Variants in SCML2 observed in about 807,000 individuals in gnomAD.
The protein encoded by SCML2 is Scm polycomb group protein like 2, also known as sex comb on midleg-like protein 2.
Under a neutral mutation model 48.4 loss-of-function variants are expected in SCML2, and 6 were observed. The ratio of observed to expected loss-of-function variants is 0.12; its 90% CI spans 0.07 to 0.24. The LOEUF is 0.24. Ranked by LOEUF, SCML2 falls within the 10% of genes least tolerant of loss-of-function variation. The pLI is 1.00. For missense variants in SCML2, 377 were observed against 528.2 expected (o/e 0.71, Z 2.81); for synonymous variants, 181 against 189.5 (o/e 0.95, Z 0.37).
chrX:18,337,432 T>C (rs1339288549), intron 1 of SCML2, among the ~76,000 whole-genome samples: 1 of 80,136 alleles, frequency 1.2e-5, no homozygotes. Context: ...TCCATGCTAA[T>C]ACTAATCAAA....
At chrX:18,259,143 A>C (rs180836271) in intron 9 of SCML2, among the ~76,000 whole-genome samples, 64 of 110,398 alleles carry the variant, frequency 5.8e-4, no homozygotes, top group African/African-American at 2.1e-3. Context: ...ACATGCCTGT[A>C]GTCCCAGATA....
chrX:18,310,409 G>A (rs1928912433), intron 6 of SCML2, among the ~76,000 whole-genome samples: 1 of 107,188 alleles, frequency 9.3e-6, no homozygotes, highest in South Asian at 4.2e-4. Flanking sequence ...GGGATTACAG[G>A]CGCGTGCCAC....
At chrX:18,318,742 T>C (rs1029886941) in intron 6 of SCML2, among the ~76,000 whole-genome samples, 2 of 111,873 alleles carry the variant, frequency 1.8e-5, no homozygotes, top group Non-Finnish European at 3.8e-5. Context: ...CAATGAATAT[T>C]TGCTTCCAGT....
At chrX:18,268,266 A>T (rs1927324431) in intron 7 of SCML2, among the ~76,000 whole-genome samples, 1 of 112,600 alleles carries the variant, frequency 8.9e-6, no homozygotes, top group South Asian at 3.7e-4. Context: ...GCAGTGGCTC[A>T]CACATGTAAT....
In SCML2 at chrX:18,343,974, A is replaced by G. The variant is rs183381999; in HGVS notation, c.-24-9879T>C. The stretch of plus-strand genomic sequence containing the variant: ...AAGAAAAGAAAAGAAAAGAAAAAAT[A>G]ATAAAATAAAACTACGAAACCAAAC... On this transcript the variant is annotated intron_variant, in intron 1 of 14. Transcript: ENST00000251900. 5.6e-5 allele frequency among the ~76,000 whole-genome samples: 6 copies of G among 106,901 alleles called. No homozygotes were observed. The East Asian group carries it at 1.4e-3, about 26-fold the overall frequency. The allele number at this position is 106,901 out of a possible 115,157, so 92.8% of individuals were successfully genotyped here.
intron 3 of SCML2, 109 bp from the exon 4 acceptor site, chrX:18,325,086 G>GAAA: frequency 5.4e-5 from 13 of 241,629 alleles, no homozygotes; most frequent in South Asian, 1.5e-4. Context: ...CCTCTTAAAA[G>GAAA]AAAAAAAAAA....
intron 8 of SCML2, 134 bp from the exon 9 acceptor site, chrX:18,260,425 C>A: frequency 2.0e-6 from 1 of 492,882 alleles, no homozygotes; most frequent in Non-Finnish European, 3.1e-6. Context: ...GTTGGAAACT[C>A]CCGTGTGTGT....
Position 18,240,814 on chromosome X carries a change from A to G in SCML2, c.*437T>C, listed in dbSNP as rs945019324. ...CCTTTAAATTCTCTAGTGAGGAAAA[A>G]TTCTCATGGATTTAATTATAGAAGT... On this transcript the variant is annotated 3_prime_UTR_variant, in exon 15 of 15. Transcript: ENST00000251900. 6.2e-5 allele frequency: 7 copies of G among 113,480 alleles called. No individual in the cohort carries two copies. Among genetic ancestry groups the G allele is most frequent in the African/African-American group, 2.3e-4 (7 of 30,977 alleles). The allele number at this position is 113,480 out of a possible 1,213,427, so 9.4% of individuals were successfully genotyped here.
chrX:18,256,970 G>C lies in SCML2; in HGVS notation c.1334C>G (p.Ala445Gly). The C allele has an allele frequency of 8.3e-7, 1 of 1,207,714 alleles. No homozygotes were observed. The highest frequency in any genetic ancestry group is 1.1e-6 in the Non-Finnish European group (1 of 893,456). The change falls in exon 11 of 15, where the codon GCT becomes GGT. Residue 445 changes from alanine to glycine, a missense_variant. Transcript: ENST00000251900. Reference protein sequence around the residue: ...QLPPVNSASFALRFLENFCHS... With the variant: ...QLPPVNSASFGLRFLENFCHS... Reference sequence around the variant, plus strand: ...GCAGAAGTTCTCAAGAAAGCGAAGAGCAAATGATGCACTGTTCACTGGAGG... The same window carrying C: ...GCAGAAGTTCTCAAGAAAGCGAAGACCAAATGATGCACTGTTCACTGGAGG...
At chrX:18,274,988 C>T (rs2385257) in intron 7 of SCML2, among the ~76,000 whole-genome samples, 25,171 of 111,403 alleles carry the variant, frequency 0.23, 2,229 homozygotes, top group Middle Eastern at 0.33. Flanking sequence ...TTTCTTCCTA[C>T]TGATAACTCT....
At chrX:18,304,235 A>C (rs1928686695) in intron 7 of SCML2, among the ~76,000 whole-genome samples, 1 of 111,531 alleles carries the variant, frequency 9.0e-6, no homozygotes, top group Non-Finnish European at 1.9e-5. Context: ...ATATTAACTT[A>C]GGCCAATGAT....
chrX:18,300,278 T>C (rs1220119710), intron 7 of SCML2, among the ~76,000 whole-genome samples: 1 of 107,285 alleles, frequency 9.3e-6, no homozygotes, highest in Admixed American at 1.0e-4. Flanking sequence ...TGCGCACCTG[T>C]AGTCCCAGCT....
chrX:18,313,341 G>A (rs961001737), intron 6 of SCML2, among the ~76,000 whole-genome samples: 1 of 110,675 alleles, frequency 9.0e-6, no homozygotes, highest in African/African-American at 3.3e-5. Context: ...TAGTGAATAC[G>A]TCTCACAAGA....
chrX:18,311,685 T>C (rs898224201), intron 6 of SCML2, among the ~76,000 whole-genome samples: 1 of 112,303 alleles, frequency 8.9e-6, no homozygotes, highest in Non-Finnish European at 1.9e-5. Flanking sequence ...TATAGTTTTA[T>C]AGATCACTGT....
At chrX:18,338,056 T>C (rs986145855) in intron 1 of SCML2, among the ~76,000 whole-genome samples, 2 of 112,195 alleles carry the variant, frequency 1.8e-5, no homozygotes, top group Admixed American at 9.5e-5. Context: ...TTAATTCAAC[T>C]AAATGAAAAT....
intron 14 of SCML2, among the ~76,000 whole-genome samples, chrX:18,241,683 A>G (rs1297644001): frequency 8.9e-6 from 1 of 112,212 alleles, no homozygotes; most frequent in Admixed American, 9.5e-5. Flanking sequence ...ACAAAAGATC[A>G]AAAATTATGA....
chrX:18,264,431 T>TTG (rs149069692), intron 8 of SCML2, among the ~76,000 whole-genome samples: 3,683 of 83,880 alleles, frequency 0.044, 84 homozygotes, highest in Non-Finnish European at 0.047. Flanking sequence ...ATCAGTACGA[T>TTG]TGTGTGTGTG....
intron 3 of SCML2, among the ~76,000 whole-genome samples, chrX:18,326,828 T>C (rs1458911893): frequency 9.0e-6 from 1 of 111,469 alleles, no homozygotes; most frequent in Non-Finnish European, 1.9e-5. Flanking sequence ...AAAAGTAATG[T>C]ACATGGTACT....
chrX:18,330,421 A>C (rs1182822570), intron 3 of SCML2, among the ~76,000 whole-genome samples, 166 bp downstream of exon 3: 1 of 112,526 alleles, frequency 8.9e-6, no homozygotes, highest in Non-Finnish European at 1.9e-5. Flanking sequence ...TTTTCAAAAT[A>C]AAATACAATT....
Sources: gnomAD v4.1 joint callset for allele counts (sites outside exome capture counted in the v4.1 genomes callset) on GRCh38, gnomAD v4.1.1 for gene constraint, MANE v1.5 for transcripts, NCBI Gene and HGNC (gene_info 2026-07-23, HGNC 2026-07-21) for gene names.